The following SOX5 variants were observed in gnomAD, a reference collection of about 807,000 sequenced individuals.
The protein encoded by SOX5 is SRY-box transcription factor 5, also known as transcription factor SOX-5.
Under a neutral mutation model 92.0 loss-of-function variants are expected in SOX5, and 9 were observed. That is an observed-to-expected ratio of 0.10 (90% CI 0.06 to 0.17). The LOEUF is 0.17. Ranked by LOEUF, SOX5 falls within the 10% of genes least tolerant of loss-of-function variation. The probability of loss-of-function intolerance (pLI) is 1.00; values close to 1 mark genes in which losing one functional copy is unlikely to be tolerated. For synonymous variants in SOX5, 344 were observed against 336.3 expected (o/e 1.02, Z -0.25); for missense variants, 642 against 944.5 (o/e 0.68, Z 4.20).
chr12:23,749,598 C>T (rs576749186), intron 4 of SOX5, among the ~76,000 whole-genome samples: 32 of 151,796 alleles, frequency 2.1e-4, no homozygotes, highest in South Asian at 1.9e-3. Flanking sequence ...AAGAGATGTA[C>T]GCATTATAAT....
intron 2 of SOX5, among the ~76,000 whole-genome samples, chr12:23,885,204 C>T (rs1408638270): frequency 2.6e-5 from 4 of 152,098 alleles, no homozygotes; most frequent in African/African-American, 9.7e-5. Context: ...GAGGTGGTTT[C>T]AAAGCTTTGT....
At chr12:24,128,022 C>G (rs939405992) in intron 4 of SOX5, among the ~76,000 whole-genome samples, 1 of 152,268 alleles carries the variant, frequency 6.6e-6, no homozygotes, top group East Asian at 1.9e-4. Context: ...ATAAATCAAA[C>G]TAGTTTTTAG....
At chr12:23,973,503 G>C (rs751046126) in intron 4 of SOX5, among the ~76,000 whole-genome samples, 1 of 152,110 alleles carries the variant, frequency 6.6e-6, no homozygotes, top group Non-Finnish European at 1.5e-5. Context: ...GGAAGCCACT[G>C]TATATATACA....
At chr12:24,400,099 C>A (rs1210470082) in intron 1 of SOX5, among the ~76,000 whole-genome samples, 1 of 152,158 alleles carries the variant, frequency 6.6e-6, no homozygotes, top group Non-Finnish European at 1.5e-5. Flanking sequence ...TCAGCATATT[C>A]ATGAAAGTAG....
chr12:24,419,429 C>T (rs1965568989), intron 1 of SOX5, among the ~76,000 whole-genome samples: 1 of 152,168 alleles, frequency 6.6e-6, no homozygotes, highest in African/African-American at 2.4e-5. Flanking sequence ...TGTGAGCCGC[C>T]ATGCACAGCC....
intron 4 of SOX5, among the ~76,000 whole-genome samples, chr12:23,965,941 G>A (rs1335010939): frequency 9.2e-5 from 14 of 151,918 alleles, no homozygotes; most frequent in Admixed American, 9.2e-4. Flanking sequence ...TTTTATAATT[G>A]GCTATGTAGT....
intron 3 of SOX5, among the ~76,000 whole-genome samples, chr12:23,842,892 C>G (rs1402242193): frequency 1.3e-5 from 2 of 152,148 alleles, no homozygotes; most frequent in Non-Finnish European, 2.9e-5. Flanking sequence ...CAGAGCTCCT[C>G]CGCTTCAAAC....
chr12:24,138,893 A>C (rs1234779112), intron 4 of SOX5, among the ~76,000 whole-genome samples: 2 of 152,190 alleles, frequency 1.3e-5, no homozygotes, highest in Non-Finnish European at 2.9e-5. Context: ...ATCCCAGGCA[A>C]CATAATAGAT....
chr12:24,340,503 T>C (rs1430756116), intron 2 of SOX5, among the ~76,000 whole-genome samples: 1 of 152,224 alleles, frequency 6.6e-6, no homozygotes, highest in Non-Finnish European at 1.5e-5. Flanking sequence ...TTTAAATATC[T>C]GGGAGCTAAA....
rs188780372 is a variant in SOX5 at position 24,255,980 on chromosome 12, A to G, written c.-77+21236T>C. Among the ~76,000 whole-genome samples, 25 of 152,356 alleles carry G rather than the reference A, an allele frequency of 1.6e-4. No homozygotes were observed. In the East Asian group the frequency reaches 4.6e-3, roughly 28 times the overall value. On this transcript the variant is annotated intron_variant, in intron 3 of 4. Transcript: ENST00000446891. ...CGGCATTTTAAACCCCAAGTTGTTA[A>G]GTCATACCAACATATATCAAAAATT...
intron 4 of SOX5, among the ~76,000 whole-genome samples, chr12:24,025,310 G>A (rs749011304): frequency 6.6e-6 from 1 of 151,974 alleles, no homozygotes; most frequent in Non-Finnish European, 1.5e-5. Context: ...TGGTAAACAT[G>A]ACTTGTGTCT....
chr12:23,578,144 A>AAAAAG (rs1949511828), intron 9 of SOX5, among the ~76,000 whole-genome samples: 1 of 134,908 alleles, frequency 7.4e-6, no homozygotes, highest in Non-Finnish European at 1.6e-5. Flanking sequence ...AAAAAAAAAA[A>AAAAAG]AAAAAACTAT....
In SOX5 at chr12:23,667,794, G is replaced by A. The variant is rs867723025; in HGVS notation, c.811-2230C>T. On this transcript the variant is annotated intron_variant, in intron 6 of 14. Coordinates refer to ENST00000451604, the MANE Select transcript of SOX5 (RefSeq NM_006940.6). ...GTTTTTATTAGACCATCATAGAACA[G>A]ACTGTAGAGTACTGTACTATTAATA... Among the ~76,000 whole-genome samples, 9 of 152,276 alleles carry A rather than the reference G, an allele frequency of 5.9e-5. No individual in the cohort carries two copies. In the South Asian group the frequency reaches 1.9e-3, roughly 32 times the overall value.
intron 2 of SOX5, among the ~76,000 whole-genome samples, chr12:23,891,083 C>A (rs1418573464): frequency 6.6e-6 from 1 of 152,092 alleles, no homozygotes; most frequent in Non-Finnish European, 1.5e-5. Flanking sequence ...AGAAATCTGA[C>A]AATATTTTGT....
intron 3 of SOX5, among the ~76,000 whole-genome samples, chr12:23,824,835 G>A (rs768622886): frequency 8.5e-5 from 13 of 152,222 alleles, no homozygotes; most frequent in African/African-American, 1.2e-4. Flanking sequence ...GCTTTGCCGA[G>A]CTGTGGTGGG....
At chr12:24,234,930 C>G (rs1032473037) in intron 3 of SOX5, among the ~76,000 whole-genome samples, 12 of 152,072 alleles carry the variant, frequency 7.9e-5, no homozygotes, top group African/African-American at 2.9e-4. Flanking sequence ...GCTAAACATC[C>G]TAAAACACAC....
intron 4 of SOX5, among the ~76,000 whole-genome samples, chr12:24,026,418 G>A (rs1242326010): frequency 6.6e-6 from 1 of 151,818 alleles, no homozygotes; most frequent in Non-Finnish European, 1.5e-5. Flanking sequence ...GAACTGGTGA[G>A]GCCTTGACCA....
chr12:24,344,418 G>A (rs1347386288), intron 2 of SOX5, among the ~76,000 whole-genome samples: 4 of 151,838 alleles, frequency 2.6e-5, no homozygotes, highest in Non-Finnish European at 5.9e-5. Flanking sequence ...ATCTGACACA[G>A]ATGGGAACAA....
At chr12:24,118,032 A>AAG (rs1565472008) in intron 4 of SOX5, among the ~76,000 whole-genome samples, 1 of 149,264 alleles carries the variant, frequency 6.7e-6, no homozygotes, top group African/African-American at 2.5e-5. Flanking sequence ...AAAAAAAAAA[A>AAG]AAAAAAGAAA....
Sources: allele counts gnomAD v4.1 joint callset (sites outside exome capture counted in the v4.1 genomes callset), GRCh38; gene constraint gnomAD v4.1.1; transcripts MANE v1.5; gene names NCBI Gene and HGNC (gene_info 2026-07-23, HGNC 2026-07-21).